DSCAML1: variants seen among roughly 807,000 people sequenced by gnomAD.
The protein encoded by DSCAML1 is cell adhesion molecule DSCAML1.
Under a neutral mutation model 200.5 loss-of-function variants are expected in DSCAML1, and 38 were observed. The ratio of observed to expected loss-of-function variants is 0.19; its 90% CI spans 0.15 to 0.25. The LOEUF (loss-of-function observed/expected upper bound fraction) is 0.25. DSCAML1 is among the 10% of genes least tolerant of loss of function. DSCAML1 has a pLI of 1.00. For synonymous variants in DSCAML1, 1,215 were observed against 1,165.0 expected, an observed-to-expected ratio of 1.04 and a Z score of -0.87; for missense variants, 2,223 against 2,858.8, an observed-to-expected ratio of 0.78 and a Z score of 5.07.
chr11:117,750,590 C>G (rs549186087), intron 3 of DSCAML1, among the ~76,000 whole-genome samples: 292 of 152,268 alleles, frequency 1.9e-3, no homozygotes, highest in African/African-American at 6.9e-3. Context: ...CTCATGCCAG[C>G]CTTCCCTGGG....
intron 21 of DSCAML1, among the ~76,000 whole-genome samples, chr11:117,440,715 C>A (rs967656989): frequency 2.6e-5 from 4 of 152,062 alleles, no homozygotes; most frequent in Non-Finnish European, 5.9e-5. Flanking sequence ...GTCAGAAGTT[C>A]AAGACCAGCC....
intron 15 of DSCAML1, 145 bp downstream of exon 15, chr11:117,471,724 G>A (rs2048688961): frequency 6.8e-6 from 5 of 735,308 alleles, no homozygotes; most frequent in Admixed American, 3.1e-5. Context: ...TGATCCAGAG[G>A]TGGACACAAA....
chr11:117,622,224 C>T (rs2051948578), intron 3 of DSCAML1, among the ~76,000 whole-genome samples: 1 of 152,204 alleles, frequency 6.6e-6, no homozygotes, highest in Non-Finnish European at 1.5e-5. Flanking sequence ...GGCCTGGAAG[C>T]TCTGCAGACA....
chr11:117,586,214 G>C (rs887482659), intron 3 of DSCAML1, among the ~76,000 whole-genome samples: 1 of 151,942 alleles, frequency 6.6e-6, no homozygotes, highest in Non-Finnish European at 1.5e-5. Context: ...TCTGGTCCTA[G>C]GGCTGTATTC....
intron 3 of DSCAML1, among the ~76,000 whole-genome samples, chr11:117,625,390 C>T (rs2052022730): frequency 2.0e-5 from 3 of 152,188 alleles, no homozygotes; most frequent in African/African-American, 7.2e-5. Context: ...GAGTGACTCA[C>T]ATTCATGCTA....
intron 1 of DSCAML1, among the ~76,000 whole-genome samples, chr11:117,813,580 C>A (rs534308568): frequency 3.6e-4 from 55 of 152,300 alleles, no homozygotes; most frequent in African/African-American, 1.1e-3. Flanking sequence ...ATTCTTAGAC[C>A]TTTTATACCT....
chr11:117,772,804 C>T (rs1023690113), intron 3 of DSCAML1, among the ~76,000 whole-genome samples: 2 of 152,212 alleles, frequency 1.3e-5, no homozygotes, highest in Non-Finnish European at 2.9e-5. Context: ...TTACCCCAAC[C>T]CTGCCAGCCT....
chr11:117,726,266 C>CGTGTGTGTGTGTGT (rs112110901), intron 3 of DSCAML1, among the ~76,000 whole-genome samples: 3 of 145,718 alleles, frequency 2.1e-5, no homozygotes, highest in Non-Finnish European at 3.0e-5. Context: ...TGTGTGTGTG[C>CGTGTGTGTGTGTGT]GTGTGTGTGT....
chr11:117,623,702 TA>T (rs1299077520), intron 3 of DSCAML1, among the ~76,000 whole-genome samples: 2 of 152,230 alleles, frequency 1.3e-5, no homozygotes, highest in Non-Finnish European at 2.9e-5. Context: ...TTATAAAGAT[TA>T]AATTAATCAA....
chr11:117,676,634 C>T (rs1319567979), intron 3 of DSCAML1, among the ~76,000 whole-genome samples: 2 of 152,372 alleles, frequency 1.3e-5, no homozygotes, highest in Non-Finnish European at 2.9e-5. Flanking sequence ...GCCTCCATCA[C>T]AGGTGGCCAG....
At chr11:117,643,253 G>A (rs2052448116) in intron 3 of DSCAML1, among the ~76,000 whole-genome samples, 1 of 152,114 alleles carries the variant, frequency 6.6e-6, no homozygotes, top group African/African-American at 2.4e-5. Context: ...CTTCTGAAAG[G>A]GTTCGACTCA....
At chr11:117,798,292 G>T (rs906354222), upstream of DSCAML1, among the ~76,000 whole-genome samples, 1 of 152,178 alleles carries the variant, frequency 6.6e-6, no homozygotes, top group Non-Finnish European at 1.5e-5. Flanking sequence ...GAGAGAAGGG[G>T]TCCACTGGCT....
chr11:117,542,686 G>A (rs1296826679), intron 3 of DSCAML1, among the ~76,000 whole-genome samples: 1 of 152,256 alleles, frequency 6.6e-6, no homozygotes, highest in Non-Finnish European at 1.5e-5. Context: ...CCCATGTGCT[G>A]AAATGCCTAT....
chr11:117,595,911 C>A (rs759420654), intron 3 of DSCAML1, among the ~76,000 whole-genome samples: 1 of 152,070 alleles, frequency 6.6e-6, no homozygotes, highest in African/African-American at 2.4e-5. Flanking sequence ...GGTGAAGGAA[C>A]AAAATGTCAT....
chr11:117,481,846 G>A (rs1240079712), intron 12 of DSCAML1, 117 bp downstream of exon 12: 3 of 1,127,210 alleles, frequency 2.7e-6, no homozygotes, highest in Admixed American at 2.1e-5. Flanking sequence ...TACATTTTTG[G>A]GGTGTGGGGA....
At chr11:117,774,827 G>A (rs954679297) in intron 3 of DSCAML1, among the ~76,000 whole-genome samples, 1 of 152,112 alleles carries the variant, frequency 6.6e-6, no homozygotes, top group Non-Finnish European at 1.5e-5. Flanking sequence ...GATTCAGAAG[G>A]TACTTTACTT....
intron 3 of DSCAML1, among the ~76,000 whole-genome samples, chr11:117,589,935 AT>A (rs2051225281): frequency 6.6e-6 from 1 of 152,200 alleles, no homozygotes; most frequent in South Asian, 2.1e-4. Context: ...TTGGGTTGAA[AT>A]TCAGATGACC....
At chr11:117,514,257 C>G (rs983226598) in intron 8 of DSCAML1, among the ~76,000 whole-genome samples, 2 of 152,210 alleles carry the variant, frequency 1.3e-5, no homozygotes, top group East Asian at 1.9e-4. Flanking sequence ...CTTGGGGATA[C>G]AAAGGGGGTT....
At chr11:117,789,974 A>G (rs1272265037) in intron 1 of DSCAML1, among the ~76,000 whole-genome samples, 2 of 152,164 alleles carry the variant, frequency 1.3e-5, no homozygotes, top group African/African-American at 2.4e-5. Flanking sequence ...GACAGATTCC[A>G]CAGCCTTAAA....
Sources: gnomAD v4.1 joint callset for allele counts (sites outside exome capture counted in the v4.1 genomes callset) on GRCh38, gnomAD v4.1.1 for gene constraint, MANE v1.5 for transcripts, NCBI Gene and HGNC (gene_info 2026-07-23, HGNC 2026-07-21) for gene names.